Variants in AGPAT5 observed in about 807,000 individuals in gnomAD.
AGPAT5 encodes the protein 1-acyl-sn-glycerol-3-phosphate acyltransferase epsilon.
Under a neutral mutation model 45.6 loss-of-function variants are expected in AGPAT5, and 46 were observed. The ratio of observed to expected loss-of-function variants is 1.01; its 90% CI spans 0.80 to 1.29. The LOEUF (loss-of-function observed/expected upper bound fraction) is 1.29. AGPAT5 is among the 50% of genes most tolerant of loss of function. The pLI, the probability that AGPAT5 is intolerant of heterozygous loss-of-function variation, is 0.00. For synonymous variants in AGPAT5, 272 were observed against 167.0 expected, an observed-to-expected ratio of 1.63 and a Z score of -4.85; for missense variants, 673 against 450.7, an observed-to-expected ratio of 1.49 and a Z score of -4.47.
chr8:6,744,951 G>A (rs1038033081), intron 5 of AGPAT5, among the ~76,000 whole-genome samples: 1 of 152,156 alleles, frequency 6.6e-6, no homozygotes, highest in Non-Finnish European at 1.5e-5. Context: ...GCCAAGCCAG[G>A]CCATTTCATT....
intron 1 of AGPAT5, among the ~76,000 whole-genome samples, chr8:6,712,378 A>G (rs1001226247): frequency 7.2e-5 from 11 of 152,130 alleles, no homozygotes; most frequent in African/African-American, 9.7e-5. Flanking sequence ...GTGATTATAT[A>G]TATATATATA....
At chr8:6,714,782 C>T (rs76531897) in intron 1 of AGPAT5, among the ~76,000 whole-genome samples, 4,900 of 152,246 alleles carry the variant, frequency 0.032, 139 homozygotes, top group African/African-American at 0.07. Flanking sequence ...ACGAAATATA[C>T]CTGCATACCT....
In AGPAT5 at chr8:6,747,815, A is replaced by C; in HGVS notation, c.732A>C (p.Ser244=). The C allele has an allele frequency of 1.2e-6, 2 of 1,614,132 alleles. No individual in the cohort carries two copies. The highest frequency in any genetic ancestry group is 1.7e-6 in the Non-Finnish European group (2 of 1,179,992). Residue 244 remains serine (S), a synonymous_variant, in exon 6 of 8, where the codon TCA becomes TCC. Transcript: ENST00000285518. ...GKDDGGQRRE[S]PTMTEFLCKE... ...ACGATGGAGGGCAGCGAAGAGAGTC[A>C]CCGACCATGACGGGTAAGTGTGTTC...
At position 6,754,689 on chromosome 8, in the gene AGPAT5, G is replaced by A. The variant is rs548526507; in HGVS notation, c.746-362G>A. Among the ~76,000 whole-genome samples the A allele has an allele frequency of 1.6e-4, 25 of 152,232 alleles. No individual in the cohort carries two copies. In the East Asian group the frequency reaches 4.2e-3, roughly 26 times the overall value. ...GGGGCTGGTGGTGGTAGGCATTTGC[G>A]GGTCCCTTCAGAGAGGTGAGTATGG... On this transcript the variant is annotated intron_variant, in intron 6 of 7. Transcript: ENST00000285518.
intron 1 of AGPAT5, among the ~76,000 whole-genome samples, chr8:6,710,396 C>G (rs1380140345): frequency 6.6e-6 from 1 of 152,148 alleles, no homozygotes; most frequent in African/African-American, 2.4e-5. Flanking sequence ...GAAGTGGCAT[C>G]CAGCACTAAT....
chr8:6,759,612 A>C lies in AGPAT5; in HGVS notation c.*2224A>C, dbSNP rs759241668. On this transcript the variant is annotated 3_prime_UTR_variant, in exon 8 of 8. Transcript: ENST00000285518. Reference sequence around the variant, plus strand: ...TGCATGCTTTTATGTTTTTCAGAAAAGGGTGTGTTTGGATGAAAGTAAAAA... The same window carrying C: ...TGCATGCTTTTATGTTTTTCAGAAACGGGTGTGTTTGGATGAAAGTAAAAA... 7 of 152,054 alleles carry C rather than the reference A, an allele frequency of 4.6e-5. No individual in the cohort carries two copies. Among genetic ancestry groups the C allele is most frequent in the Non-Finnish European group, 1.0e-4 (7 of 68,004 alleles). The allele number at this position is 152,054 out of a possible 1,614,324, so 9.4% of individuals were successfully genotyped here. A position where few individuals can be genotyped will look rare whatever the true frequency, so the allele number is the denominator to read the frequency against.
intron 5 of AGPAT5, among the ~76,000 whole-genome samples, chr8:6,742,277 C>T (rs191456306): frequency 6.6e-6 from 1 of 152,170 alleles, no homozygotes; most frequent in Non-Finnish European, 1.5e-5. Context: ...GGAGAAGTTA[C>T]ACAAAGTTGG....
rs143921567 is a variant in AGPAT5 at position 6,716,706 on chromosome 8, G to A, written c.219+7819G>A. On this transcript the variant is annotated intron_variant, in intron 1 of 7. Coordinates refer to ENST00000285518, the MANE Select transcript of AGPAT5 (RefSeq NM_018361.5). ...AAATTAGCCGGGCGTGGTGGTGCCT[G>A]CCTGTAATCTCAGCTACATGGGAGG... 9.0e-3 allele frequency among the ~76,000 whole-genome samples: 1,367 copies of A among 152,186 alleles called. 27 individuals are homozygous for A. Among genetic ancestry groups the A allele is most frequent in the African/African-American group, 0.03 (1,251 of 41,510 alleles).
intron 2 of AGPAT5, among the ~76,000 whole-genome samples, chr8:6,726,329 C>A (rs1353766927): frequency 6.6e-6 from 1 of 152,174 alleles, no homozygotes; most frequent in East Asian, 1.9e-4. Context: ...TTTGATTTTC[C>A]TGCATTTCCT....
At chr8:6,754,999 A>T in intron 6 of AGPAT5, 52 bp from the exon 7 acceptor site, 1 of 1,440,740 alleles carries the variant, frequency 6.9e-7, no homozygotes, top group Non-Finnish European at 9.3e-7. Context: ...ACTTTATATG[A>T]CCATGAGTTC....
In AGPAT5 at chr8:6,730,723, T is replaced by C. The variant is rs1373948439; in HGVS notation, c.302T>C (p.Val101Ala). The C allele has an allele frequency of 1.2e-6, 2 of 1,613,120 alleles. No individual in the cohort carries two copies. The highest frequency in any genetic ancestry group is 3.3e-5 in the Admixed American group (2 of 59,984). Residue 101 changes from valine to alanine, a missense_variant, in exon 3 of 8, where the codon GTT becomes GCT. Transcript: ENST00000285518. ...CCTGTCTCTGCAGTTGACTGGATTG[T>C]TGCTGACATCTTGGCCATCAGGCAG... The part of the protein sequence containing the change: ...ANHQSTVDWI[V>A]ADILAIRQNA...
chr8:6,751,182 A>G (rs1272406476), intron 6 of AGPAT5, among the ~76,000 whole-genome samples: 1 of 152,206 alleles, frequency 6.6e-6, no homozygotes, highest in Non-Finnish European at 1.5e-5. Flanking sequence ...GTTAGGTAGA[A>G]AATTCTGTAA....
intron 4 of AGPAT5, among the ~76,000 whole-genome samples, chr8:6,738,193 C>G (rs1422611081): frequency 6.6e-6 from 1 of 151,080 alleles, no homozygotes; most frequent in African/African-American, 2.5e-5. Context: ...ACATACCTTC[C>G]TCACTAAGCC....
intron 6 of AGPAT5, among the ~76,000 whole-genome samples, chr8:6,753,184 G>A (rs1474201269): frequency 2.6e-5 from 4 of 152,226 alleles, no homozygotes; most frequent in African/African-American, 9.6e-5. Context: ...TGTCTCAGCA[G>A]CACTGCCTCT....
chr8:6,724,992 C>G, intron 2 of AGPAT5, 53 bp downstream of exon 2: 1 of 647,722 alleles, frequency 1.5e-6, no homozygotes, highest in Non-Finnish European at 2.2e-6. Flanking sequence ...GGCACATGGG[C>G]ATTCAAAATA....
chr8:6,751,299 T>C (rs895328206), intron 6 of AGPAT5, among the ~76,000 whole-genome samples: 3 of 152,230 alleles, frequency 2.0e-5, no homozygotes, highest in Non-Finnish European at 4.4e-5. Context: ...AATTAAGAAA[T>C]AATTTTTTTC....
At position 6,759,174 on chromosome 8, in the gene AGPAT5, C is replaced by G. The variant is rs1041719637; in HGVS notation, c.*1786C>G. ...CTTACCTGTAAAGTAAAATTTAGATCAATTCCATGTCTTTGTTAAGTACAG... is the reference window on the plus strand; with the variant it reads ...CTTACCTGTAAAGTAAAATTTAGATGAATTCCATGTCTTTGTTAAGTACAG... On this transcript the variant is annotated 3_prime_UTR_variant, in exon 8 of 8. Transcript: ENST00000285518. The G allele has an allele frequency of 2.0e-5, 3 of 152,230 alleles. No individual in the cohort carries two copies. The highest frequency in any genetic ancestry group is 2.1e-4 in the South Asian group (1 of 4,816). The allele number at this position is 152,230 out of a possible 1,614,324, so 9.4% of individuals were successfully genotyped here.
intron 1 of AGPAT5, among the ~76,000 whole-genome samples, chr8:6,712,966 CA>C (rs1800201027): frequency 2.0e-5 from 3 of 152,038 alleles, no homozygotes; most frequent in Non-Finnish European, 4.4e-5. Context: ...ATTTGTAGGC[CA>C]AAAAATTAAT....
intron 5 of AGPAT5, among the ~76,000 whole-genome samples, chr8:6,743,563 T>A (rs1801313301): frequency 6.6e-6 from 1 of 152,228 alleles, no homozygotes; most frequent in Admixed American, 6.5e-5. Context: ...AACTTAGACA[T>A]GGAGGAAGAA....
Sources: allele counts gnomAD v4.1 joint callset (sites outside exome capture counted in the v4.1 genomes callset), GRCh38; gene constraint gnomAD v4.1.1; transcripts MANE v1.5; gene names NCBI Gene and HGNC (gene_info 2026-07-23, HGNC 2026-07-21).